CNTNAP2: variants seen among roughly 807,000 people sequenced by gnomAD.
The protein encoded by CNTNAP2 is contactin-associated protein-like 2.
A neutral mutation model predicts 155.2 loss-of-function variants in CNTNAP2; 98 were observed. The observed-to-expected ratio is 0.63, with a 90% CI of 0.54 to 0.75. CNTNAP2 has a LOEUF of 0.75. Ranked by LOEUF, CNTNAP2 falls within the 30% of genes least tolerant of loss-of-function variation. The probability of loss-of-function intolerance (pLI) is 0.00; values close to 1 mark genes in which losing one functional copy is unlikely to be tolerated. For synonymous variants in CNTNAP2, 651 were observed against 631.2 expected (o/e 1.03, Z -0.47); for missense variants, 1,727 against 1,688.1 (o/e 1.02, Z -0.40).
chr7:146,559,492 C>T lies in CNTNAP2; in HGVS notation c.98-214779C>T, dbSNP rs566192105. On this transcript the variant is annotated intron_variant, in intron 1 of 23. Transcript: ENST00000361727. ...CTGAGGCAGGAGAATCACTTGAACC[C>T]GGGAGTGCGGAGGATGCAGGGAGCC... Among the ~76,000 whole-genome samples, 6 of 151,844 alleles carry T rather than the reference C, an allele frequency of 4.0e-5. No individual in the cohort carries two copies. In the East Asian group the frequency reaches 7.8e-4, roughly 20 times the overall value.
intron 15 of CNTNAP2, among the ~76,000 whole-genome samples, chr7:148,078,817 C>T (rs756807062): frequency 5.3e-5 from 8 of 151,906 alleles, no homozygotes; most frequent in African/African-American, 1.5e-4. Flanking sequence ...CTTGATTTTC[C>T]GAGAAGAAAA....
chr7:146,555,544 G>A (rs753760080), intron 1 of CNTNAP2, among the ~76,000 whole-genome samples: 3 of 149,518 alleles, frequency 2.0e-5, no homozygotes, highest in Non-Finnish European at 4.4e-5. Context: ...CTATCTATGC[G>A]ATATCTATCA....
chr7:146,246,426 T>C (rs140767471), intron 1 of CNTNAP2, among the ~76,000 whole-genome samples: 2,035 of 148,124 alleles, frequency 0.014, 100 homozygotes, highest in African/African-American at 0.049. Context: ...TAAGTTGGCA[T>C]GAGAGTGGGG....
intron 10 of CNTNAP2, among the ~76,000 whole-genome samples, chr7:147,428,225 TACAA>T (rs1797411505): frequency 1.3e-5 from 2 of 152,162 alleles, no homozygotes; most frequent in Non-Finnish European, 2.9e-5. Context: ...TACTCAAACC[TACAA>T]TGAATCCTCA....
intron 1 of CNTNAP2, among the ~76,000 whole-genome samples, chr7:146,614,963 A>G (rs1799200137): frequency 1.3e-5 from 2 of 152,216 alleles, no homozygotes; most frequent in African/African-American, 4.8e-5. Flanking sequence ...ACATATAATA[A>G]AAGAAGGCAA....
intron 1 of CNTNAP2, among the ~76,000 whole-genome samples, chr7:146,695,033 A>G (rs1042038273): frequency 6.6e-6 from 1 of 152,144 alleles, no homozygotes; most frequent in Admixed American, 6.6e-5. Context: ...ACATTTGCAT[A>G]CTAAGGTAGT....
At position 148,376,052 on chromosome 7, in the gene CNTNAP2, T is replaced by TC. The variant is rs1276384517; in HGVS notation, c.3476-7593dup. On this transcript the variant is annotated intron_variant, in intron 21 of 23. Transcript: ENST00000361727. Reference sequence around the variant, plus strand: ...AGTGACAATTTCAACCTATTTAGTATCCCCAAAAGCTCAGGAGCTGTGATA... The same window carrying TC: ...AGTGACAATTTCAACCTATTTAGTATCCCCCAAAAGCTCAGGAGCTGTGATA... Among the ~76,000 whole-genome samples, 5 of 64,830 alleles carry TC rather than the reference T, an allele frequency of 7.7e-5. 2 individuals carry two copies. Among genetic ancestry groups the TC allele is most frequent in the African/African-American group, 1.9e-4 (5 of 26,546 alleles). The allele number at this position is 64,830 out of a possible 152,430, so 42.5% of individuals were successfully genotyped here. A position where few individuals can be genotyped will look rare whatever the true frequency, so the allele number is the denominator to read the frequency against.
intron 13 of CNTNAP2, among the ~76,000 whole-genome samples, chr7:147,683,424 G>A (rs1795975754): frequency 1.3e-5 from 2 of 151,666 alleles, no homozygotes; most frequent in Admixed American, 6.6e-5. Context: ...AAGTTTTGTG[G>A]GCATTTATAG....
At chr7:146,706,032 G>A (rs1167240637) in intron 1 of CNTNAP2, among the ~76,000 whole-genome samples, 1 of 152,122 alleles carries the variant, frequency 6.6e-6, no homozygotes, top group African/African-American at 2.4e-5. Context: ...TAACTTTGTT[G>A]TGGTGGATGT....
chr7:147,842,355 A>T (rs1417283051), intron 13 of CNTNAP2, among the ~76,000 whole-genome samples: 2 of 152,230 alleles, frequency 1.3e-5, no homozygotes, highest in Non-Finnish European at 2.9e-5. Flanking sequence ...ATAAGATAGT[A>T]CAGCCAGTTC....
At chr7:147,499,497 C>T (rs865925675) in intron 11 of CNTNAP2, among the ~76,000 whole-genome samples, 5 of 152,232 alleles carry the variant, frequency 3.3e-5, no homozygotes, top group Non-Finnish European at 7.4e-5. Context: ...CCACCGCACT[C>T]CAGCCTGGGC....
rs750985825 is a variant in CNTNAP2 at position 147,476,919 on chromosome 7, C to G, written c.1671-9016C>G. On this transcript the variant is annotated intron_variant, in intron 10 of 23. Transcript: ENST00000361727. ...CTCCGGCCTGGGTGACAGAGCGAGA[C>G]TCTGTCATTTAAAAAAAAAAAAAAA... Among the ~76,000 whole-genome samples the G allele has an allele frequency of 1.7e-4, 18 of 103,642 alleles. 1 individual carries two copies. The highest frequency in any genetic ancestry group is 2.5e-4 in the Non-Finnish European group (14 of 54,940). The allele number at this position is 103,642 out of a possible 152,430, so 68.0% of individuals were successfully genotyped here.
intron 8 of CNTNAP2, among the ~76,000 whole-genome samples, chr7:147,296,867 T>C (rs114973689): frequency 0.011 from 1,645 of 152,294 alleles, 31 homozygotes; most frequent in African/African-American, 0.038. Context: ...CTGTAGTAAC[T>C]ACAGTCCCTT....
chr7:147,592,490 T>TG (rs1554409004), intron 12 of CNTNAP2, among the ~76,000 whole-genome samples: 4 of 150,952 alleles, frequency 2.6e-5, no homozygotes, highest in African/African-American at 9.7e-5. Context: ...TTTTTTTTTT[T>TG]GCAAATGATT....
chr7:147,867,919 T>A (rs1048345899), intron 13 of CNTNAP2, among the ~76,000 whole-genome samples: 5 of 152,220 alleles, frequency 3.3e-5, no homozygotes, highest in Non-Finnish European at 1.5e-5. Flanking sequence ...CAGAAGTTTG[T>A]TATTATCAAC....
intron 4 of CNTNAP2, among the ~76,000 whole-genome samples, chr7:147,053,654 A>T (rs1255143791): frequency 6.6e-6 from 1 of 152,102 alleles, no homozygotes; most frequent in African/African-American, 2.4e-5. Context: ...TATGTCTGTC[A>T]CTCTGAAATA....
chr7:147,043,865 A>G (rs1799304654), intron 3 of CNTNAP2, 42 bp from the exon 4 acceptor site: 1 of 1,609,918 alleles, frequency 6.2e-7, no homozygotes, highest in Admixed American at 1.7e-5. Flanking sequence ...ATTGTTTCTA[A>G]AGTATTTTTC....
At chr7:147,581,084 A>T (rs183801037) in intron 12 of CNTNAP2, among the ~76,000 whole-genome samples, 1 of 152,172 alleles carries the variant, frequency 6.6e-6, no homozygotes, top group Non-Finnish European at 1.5e-5. Context: ...ATTCGCTTTT[A>T]TATGTGAGGC....
At chr7:146,395,817 A>ATAGATAGG (rs1795614992) in intron 1 of CNTNAP2, among the ~76,000 whole-genome samples, 1 of 140,406 alleles carries the variant, frequency 7.1e-6, no homozygotes, top group East Asian at 1.9e-4. Flanking sequence ...AGATAGATAG[A>ATAGATAGG]TAGATAGAGG....
Sources: allele counts gnomAD v4.1 joint callset (sites outside exome capture counted in the v4.1 genomes callset), GRCh38; gene constraint gnomAD v4.1.1; transcripts MANE v1.5; gene names NCBI Gene and HGNC (gene_info 2026-07-23, HGNC 2026-07-21).